Variants in WWOX observed in about 807,000 individuals in gnomAD.
WWOX encodes the protein WW domain-containing oxidoreductase.
Under a neutral mutation model 46.2 loss-of-function variants are expected in WWOX, and 69 were observed. That is an observed-to-expected ratio of 1.49 (90% CI 1.23 to 1.82). The LOEUF (loss-of-function observed/expected upper bound fraction) is 1.82, where lower values mean the gene tolerates loss of function less well. Among genes scored for constraint, WWOX ranks in the 40% most tolerant of loss-of-function variants. The pLI, the probability that WWOX is intolerant of heterozygous loss-of-function variation, is 0.00. For missense variants in WWOX, 919 were observed against 542.6 expected (o/e 1.69, Z -6.89); for synonymous variants, 359 against 202.6 (o/e 1.77, Z -6.56).
Position 78,599,301 on chromosome 16 carries a change from T to C in WWOX, c.1056+166549T>C, listed in dbSNP as rs182162947. 9.3e-5 allele frequency among the ~76,000 whole-genome samples: 14 copies of C among 150,898 alleles called. No homozygotes were observed. In the East Asian group the frequency reaches 1.9e-3, roughly 21 times the overall value. Reference sequence around the variant, plus strand: ...AACCTCCGGGATCTCTCAGGGGCTTTAAATTAATTAATCAATCCACAGACA... The same window carrying C: ...AACCTCCGGGATCTCTCAGGGGCTTCAAATTAATTAATCAATCCACAGACA... On this transcript the variant is annotated intron_variant, in intron 8 of 8. Coordinates refer to ENST00000566780, the MANE Select transcript of WWOX (RefSeq NM_016373.4).
chr16:78,486,629 T>A (rs145044562), intron 8 of WWOX, among the ~76,000 whole-genome samples: 2,055 of 151,600 alleles, frequency 0.014, 16 homozygotes, highest in Middle Eastern at 0.031. Context: ...GGCTGGAGTG[T>A]AGTGGTGTGA....
chr16:78,931,896 T>G (rs2045631502), intron 8 of WWOX, among the ~76,000 whole-genome samples: 2 of 152,176 alleles, frequency 1.3e-5, no homozygotes, highest in Non-Finnish European at 2.9e-5. Flanking sequence ...GGTGGGTCTT[T>G]CCCATGCTGT....
intron 8 of WWOX, among the ~76,000 whole-genome samples, chr16:79,082,608 C>G (rs759326046): frequency 1.3e-5 from 2 of 152,228 alleles, no homozygotes; most frequent in South Asian, 4.1e-4. Flanking sequence ...CAGAAAGTCG[C>G]GAGTGTTTTG....
chr16:78,560,200 A>T (rs1189722251), intron 8 of WWOX, among the ~76,000 whole-genome samples: 1 of 152,222 alleles, frequency 6.6e-6, no homozygotes, highest in Admixed American at 6.5e-5. Flanking sequence ...TACTACTGAA[A>T]CAGGTACCTT....
At chr16:79,168,990 C>G (rs2050648540) in intron 8 of WWOX, among the ~76,000 whole-genome samples, 1 of 152,222 alleles carries the variant, frequency 6.6e-6, no homozygotes, top group Admixed American at 6.5e-5. Flanking sequence ...TCCGGAGCTT[C>G]CTTAAAAATC....
chr16:79,009,499 G>A (rs1042554842), intron 8 of WWOX, among the ~76,000 whole-genome samples: 10 of 151,556 alleles, frequency 6.6e-5, no homozygotes, highest in South Asian at 2.1e-4. Flanking sequence ...ATGGACTTTC[G>A]CTGTGTCACC....
intron 8 of WWOX, among the ~76,000 whole-genome samples, chr16:78,631,481 A>G (rs952294553): frequency 6.6e-6 from 1 of 151,932 alleles, no homozygotes; most frequent in African/African-American, 2.4e-5. Context: ...AGTTTAATTT[A>G]TATGATTGTC....
At chr16:78,190,356 C>G (rs1597331490) in intron 5 of WWOX, among the ~76,000 whole-genome samples, 1 of 152,184 alleles carries the variant, frequency 6.6e-6, no homozygotes, top group South Asian at 2.1e-4. Flanking sequence ...TTTTGACCAC[C>G]TTGACCCCGA....
At chr16:78,595,474 A>G (rs1011452641) in intron 8 of WWOX, among the ~76,000 whole-genome samples, 6 of 152,196 alleles carry the variant, frequency 3.9e-5, no homozygotes, top group African/African-American at 1.4e-4. Context: ...TGTCTTTGCA[A>G]CTAACATACT....
At chr16:79,008,213 G>T (rs1160777029) in intron 8 of WWOX, among the ~76,000 whole-genome samples, 3 of 152,154 alleles carry the variant, frequency 2.0e-5, no homozygotes, top group Admixed American at 6.5e-5. Flanking sequence ...AGGCTCTCAG[G>T]CCCTATCCAC....
chr16:79,151,116 C>G (rs895089841), intron 8 of WWOX, among the ~76,000 whole-genome samples: 1 of 139,580 alleles, frequency 7.2e-6, no homozygotes, highest in African/African-American at 2.8e-5. Context: ...AGAGGAAACA[C>G]AAATTTGACT....
intron 5 of WWOX, among the ~76,000 whole-genome samples, chr16:78,305,661 T>G (rs926508154): frequency 6.6e-6 from 1 of 152,030 alleles, no homozygotes; most frequent in African/African-American, 2.4e-5. Context: ...AAAAGCCCCT[T>G]TCTTGTTTTG....
intron 5 of WWOX, among the ~76,000 whole-genome samples, chr16:78,366,870 G>A (rs879478391): frequency 6.6e-6 from 1 of 150,798 alleles, no homozygotes; most frequent in Non-Finnish European, 1.5e-5. Context: ...TATCATACGT[G>A]ACTCAGTTTT....
chr16:78,491,366 C>G (rs1323492035), intron 8 of WWOX, among the ~76,000 whole-genome samples: 1 of 152,300 alleles, frequency 6.6e-6, no homozygotes, highest in South Asian at 2.1e-4. Context: ...CTTGGCCTGA[C>G]AACCTAATAG....
chr16:78,385,262 A>T (rs922204485), intron 5 of WWOX, among the ~76,000 whole-genome samples: 2 of 152,140 alleles, frequency 1.3e-5, no homozygotes, highest in Admixed American at 6.5e-5. Flanking sequence ...TTTGGACATC[A>T]TTGCCATCCA....
intron 8 of WWOX, among the ~76,000 whole-genome samples, chr16:78,837,557 T>A (rs556836437): frequency 5.9e-5 from 9 of 152,302 alleles, no homozygotes; most frequent in African/African-American, 2.2e-4. Context: ...TATTATTATT[T>A]TTTATTTTCT....
intron 8 of WWOX, among the ~76,000 whole-genome samples, chr16:78,809,060 A>T (rs190470707): frequency 6.6e-6 from 1 of 152,108 alleles, no homozygotes; most frequent in Non-Finnish European, 1.5e-5. Context: ...CTAATGAGCT[A>T]TGGGCCCCGA....
Position 78,179,474 on chromosome 16 carries a change from T to C in WWOX, c.516+15185T>C, listed in dbSNP as rs2035458585. On this transcript the variant is annotated intron_variant, in intron 5 of 8. Transcript: ENST00000566780. ...GAAGGTAACTTAGGCAATTAATTAA[T>C]TATAGTTAATAATTAATTCTGCCTG... 4.6e-5 allele frequency among the ~76,000 whole-genome samples: 7 copies of C among 152,186 alleles called. No homozygotes were observed. The South Asian group carries it at 1.4e-3, about 32-fold the overall frequency.
At chr16:78,912,338 C>A (rs1273538608) in intron 8 of WWOX, among the ~76,000 whole-genome samples, 3 of 151,964 alleles carry the variant, frequency 2.0e-5, no homozygotes, top group Non-Finnish European at 2.9e-5. Flanking sequence ...TTTCATCCTT[C>A]CAGCTCTGGG....
Sources: gnomAD v4.1 joint callset for allele counts (sites outside exome capture counted in the v4.1 genomes callset) on GRCh38, gnomAD v4.1.1 for gene constraint, MANE v1.5 for transcripts, NCBI Gene and HGNC (gene_info 2026-07-23, HGNC 2026-07-21) for gene names.